Variants in ITGA11 observed in about 807,000 individuals in gnomAD.
The protein encoded by ITGA11 is integrin alpha-11.
Under a neutral mutation model 141.9 loss-of-function variants are expected in ITGA11, and 97 were observed. The ratio of observed to expected loss-of-function variants is 0.68; its 90% confidence interval spans 0.58 to 0.81. ITGA11 has a LOEUF of 0.81. Among genes scored for constraint, ITGA11 ranks in the 30% least tolerant of loss-of-function variants. The pLI is 0.00. For missense variants in ITGA11, 1,387 were observed against 1,559.2 expected (o/e 0.89, Z 1.86); for synonymous variants, 658 against 624.6 (o/e 1.05, Z -0.80).
intron 7 of ITGA11, among the ~76,000 whole-genome samples, chr15:68,356,708 T>C (rs1895081850): frequency 6.6e-6 from 1 of 152,238 alleles, no homozygotes; most frequent in African/African-American, 2.4e-5. Context: ...CAATAGAATG[T>C]GGCAGAAGTC....
rs73436014 is a variant in ITGA11, at chr15:68,430,263, A to G, written c.52+1752T>C. 3.3e-3 allele frequency among the ~76,000 whole-genome samples: 503 copies of G among 152,142 alleles called. 2 individuals are homozygous for G. Among genetic ancestry groups the G allele is most frequent in the African/African-American group, 0.012 (484 of 41,486 alleles). On this transcript the variant is annotated intron_variant, in intron 1 of 29. Transcript: ENST00000315757. ...TCCTCCTTGAGTAGCAACAACATTA[A>G]CAACCATTGATTAAAGCCTACTGTG... is the stretch of plus-strand genomic sequence containing the variant.
At chr15:68,336,801 G>C (rs1213158833) in intron 11 of ITGA11, among the ~76,000 whole-genome samples, 1 of 152,222 alleles carries the variant, frequency 6.6e-6, no homozygotes, top group Non-Finnish European at 1.5e-5. Context: ...ATATGCGTGT[G>C]CATCTGCGTA....
In ITGA11 at chr15:68,387,525, A is replaced by G. The variant is rs548265489; in HGVS notation, c.164+15393T>C. On this transcript the variant is annotated intron_variant, in intron 2 of 29. Coordinates refer to ENST00000315757, the MANE Select transcript of ITGA11 (RefSeq NM_001004439.2). ...GATTTAGCAAGCGTTCCAGGGATGC[A>G]CGCTAAGGTTTGAGAGTCATTGCTG... 3.3e-5 allele frequency among the ~76,000 whole-genome samples: 5 copies of G among 152,310 alleles called. No homozygotes were observed. In the South Asian group the frequency reaches 1.0e-3, roughly 32 times the overall value.
intron 7 of ITGA11, among the ~76,000 whole-genome samples, chr15:68,353,050 C>T (rs906005756): frequency 4.6e-5 from 7 of 152,164 alleles, no homozygotes; most frequent in African/African-American, 1.4e-4. Context: ...GGGTCTGACC[C>T]ACAGCAAGGC....
At chr15:68,360,399 A>G (rs779652381) in intron 5 of ITGA11, among the ~76,000 whole-genome samples, 3 of 152,184 alleles carry the variant, frequency 2.0e-5, no homozygotes, top group Non-Finnish European at 4.4e-5. Context: ...TTTCTAAGAT[A>G]CCTTGGGAAC....
In ITGA11 at chr15:68,298,427, G is replaced by A. The variant is rs1177481537; in HGVS notation, c.*4632C>T. 2 of 152,066 alleles carry A rather than the reference G, an allele frequency of 1.3e-5. No homozygotes were observed. The highest frequency in any genetic ancestry group is 6.5e-5 in the Admixed American group (1 of 15,272). The allele number at this position is 152,066 out of a possible 1,614,324, so 9.4% of individuals were successfully genotyped here. Reference sequence around the variant, plus strand: ...ATGCATACAAAAATAAGAGAGACCAGTGTGGGCAACAAAGTGAGACCCCCT... The same window carrying A: ...ATGCATACAAAAATAAGAGAGACCAATGTGGGCAACAAAGTGAGACCCCCT... On this transcript the variant is annotated 3_prime_UTR_variant, in exon 30 of 30. Transcript: ENST00000315757.
At position 68,325,258 on chromosome 15, in the gene ITGA11, A is replaced by T. The variant is rs1367243414; in HGVS notation, c.2212-17T>A. On this transcript the variant is annotated splice_polypyrimidine_tract_variant and intron_variant, in intron 17 of 29. Coordinates refer to ENST00000315757, the MANE Select transcript of ITGA11 (RefSeq NM_001004439.2). The surrounding 1 kb of genome is among the most constrained non-coding windows in gnomAD (Gnocchi z 5.5). ...AGCAGTGTCCTGGGGGGTGGAGATGAGGGCAGCGGTGAGGGAGGAGAGAAC... is the reference window on the plus strand; with the variant it reads ...AGCAGTGTCCTGGGGGGTGGAGATGTGGGCAGCGGTGAGGGAGGAGAGAAC... The T allele has an allele frequency of 6.5e-7, 1 of 1,548,488 alleles. No homozygotes were observed. Among genetic ancestry groups the T allele is most frequent in the Admixed American group, 1.7e-5 (1 of 59,930 alleles).
intron 4 of ITGA11, among the ~76,000 whole-genome samples, chr15:68,363,122 A>G (rs979702644): frequency 6.6e-6 from 1 of 152,168 alleles, no homozygotes; most frequent in South Asian, 2.1e-4. Flanking sequence ...TTGATGGTGG[A>G]TCGATGTATA....
intron 2 of ITGA11, among the ~76,000 whole-genome samples, chr15:68,395,364 C>A (rs1425923138): frequency 6.6e-6 from 1 of 151,626 alleles, no homozygotes; most frequent in South Asian, 2.1e-4. Flanking sequence ...AGAAGGTTGG[C>A]AATAACAAAC....
chr15:68,358,383 T>C, intron 6 of ITGA11, 75 bp downstream of exon 6: 4 of 1,486,982 alleles, frequency 2.7e-6, no homozygotes, highest in Non-Finnish European at 3.6e-6. Flanking sequence ...AAGATCTCTC[T>C]TAGACCTAAG....
At chr15:68,414,673 A>T (rs561132105) in intron 1 of ITGA11, among the ~76,000 whole-genome samples, 10 of 152,326 alleles carry the variant, frequency 6.6e-5, no homozygotes, top group Admixed American at 5.9e-4. Flanking sequence ...AGGAGCAGGC[A>T]GACTGGCACC....
At chr15:68,346,486 C>T (rs1264400275) in intron 10 of ITGA11, among the ~76,000 whole-genome samples, 1 of 152,202 alleles carries the variant, frequency 6.6e-6, no homozygotes, top group Admixed American at 6.5e-5. Flanking sequence ...TCTTTCTCCC[C>T]AGCTAGGCTA....
intron 2 of ITGA11, among the ~76,000 whole-genome samples, chr15:68,387,025 G>A (rs1463426586): frequency 6.6e-6 from 1 of 152,120 alleles, no homozygotes; most frequent in African/African-American, 2.4e-5. Flanking sequence ...AACGAGAAGG[G>A]ATGGGGGAGG....
intron 1 of ITGA11, among the ~76,000 whole-genome samples, chr15:68,429,138 C>T (rs1449397676): frequency 6.6e-6 from 1 of 152,202 alleles, no homozygotes; most frequent in Non-Finnish European, 1.5e-5. Context: ...ACATGCCTGG[C>T]ACTTTCTAAG....
chr15:68,399,420 A>G (rs1012505533), intron 2 of ITGA11, among the ~76,000 whole-genome samples: 5 of 152,136 alleles, frequency 3.3e-5, no homozygotes, highest in Admixed American at 2.0e-4. Context: ...AGAACTAAAA[A>G]TAGAATTACT....
chr15:68,306,683 A>G (rs2140264511), intron 28 of ITGA11, among the ~76,000 whole-genome samples: 1 of 152,156 alleles, frequency 6.6e-6, no homozygotes, highest in Middle Eastern at 3.4e-3. Context: ...CCTGGCTGTG[A>G]TTGGTTTTTG....
chr15:68,373,401 C>G (rs1232064599), intron 2 of ITGA11, among the ~76,000 whole-genome samples: 1 of 152,192 alleles, frequency 6.6e-6, no homozygotes, highest in Non-Finnish European at 1.5e-5. Context: ...TGCCTCAGGC[C>G]TAAGAGAAGC....
chr15:68,364,656 CA>C, intron 4 of ITGA11, 50 bp downstream of exon 4: 6 of 1,194,134 alleles, frequency 5.0e-6, no homozygotes, highest in Non-Finnish European at 7.4e-6. Context: ...CACCCCTCCC[CA>C]CCCCCACCCC....
chr15:68,320,496 T>C, intron 19 of ITGA11, 104 bp from the exon 20 acceptor site: 1 of 835,872 alleles, frequency 1.2e-6, no homozygotes, highest in Non-Finnish European at 1.9e-6. Context: ...GGCACTTGAC[T>C]GGCCTCTGCT....
Sources: allele counts gnomAD v4.1 joint callset (sites outside exome capture counted in the v4.1 genomes callset), GRCh38; gene constraint gnomAD v4.1.1; non-coding constraint Gnocchi (gnomAD v3.1); transcripts MANE v1.5; gene names NCBI Gene and HGNC (gene_info 2026-07-23, HGNC 2026-07-21).